The following IDUA variants were observed in gnomAD, a reference collection of about 807,000 sequenced individuals.
IDUA encodes the protein alpha-L-iduronidase, also known as iduronidase alpha-L-.
A neutral mutation model predicts 68.9 loss-of-function variants in IDUA; 65 were observed. The observed-to-expected ratio is 0.94, with a 90% CI of 0.77 to 1.16. The LOEUF (loss-of-function observed/expected upper bound fraction) is 1.16, where lower values mean the gene tolerates loss of function less well. IDUA is among the 50% of genes most tolerant of loss of function. IDUA has a pLI of 0.00. For synonymous variants in IDUA, 529 were observed against 433.6 expected (o/e 1.22, Z -2.73); for missense variants, 1,046 against 938.0 (o/e 1.12, Z -1.50).
At chr4:988,298 C>T (rs1250910835) in intron 2 of IDUA, 20 of 1,129,232 alleles carry the variant, frequency 1.8e-5, no homozygotes, top group Non-Finnish European at 2.1e-5. Flanking sequence ...GGTCACAGCA[C>T]CCTGGGCCCT....
rs572565537 is a variant in IDUA at position 1,003,181 on chromosome 4, GGGGCCGGGCC to G, written c.1524+33_1524+42del. 1,210 of 1,328,972 alleles carry G rather than the reference GGGGCCGGGCC, an allele frequency of 9.1e-4. 10 individuals are homozygous for G. The African/African-American group carries it at 0.016, about 18-fold the overall frequency. The allele number at this position is 1,328,972 out of a possible 1,614,324, so 82.3% of individuals were successfully genotyped here. The stretch of plus-strand genomic sequence containing the variant: ...AGGTAGGTGGGCCGCGGAGGGGCGA[GGGGCCGGGCC>G]GGGCCGGGGTCCCGGGGGGGTGGGG... On this transcript the variant is annotated intron_variant, in intron 10 of 13. Coordinates refer to ENST00000514224, the MANE Select transcript of IDUA (RefSeq NM_000203.5).
intron 8 of IDUA, 55 bp from the exon 9 acceptor site, chr4:1,002,677 C>A: frequency 7.7e-7 from 1 of 1,300,028 alleles, no homozygotes; most frequent in Non-Finnish European, 1.0e-6. Context: ...GGCCCTGGGT[C>A]GGGGGGCGGC....
In IDUA at chr4:1,003,465, G is replaced by A. The variant is rs766871749; in HGVS notation, c.1645G>A (p.Gly549Arg). The change falls in exon 11 of 14, where the codon GGG becomes AGG. Residue 549 changes from glycine (G) to arginine (R), a missense_variant. By Grantham distance (125) the Gly-to-Arg change is moderately radical. Transcript: ENST00000514224. ...GTGTGCGCGCCCCGAGAAGCCGCCC[G>A]GGCAGGCAAGTGGCAGTCCCCTAAC... is the stretch of plus-strand genomic sequence containing the variant. Reference protein sequence around the residue: ...HVCARPEKPPGQVTRLRALPL... With the variant: ...HVCARPEKPPRQVTRLRALPL... 1.9e-6 allele frequency: 3 copies of A among 1,565,104 alleles called. No homozygotes were observed. Among genetic ancestry groups the A allele is most frequent in the Admixed American group, 1.8e-5 (1 of 54,568 alleles).
intron 1 of IDUA, chr4:987,511 C>T: frequency 3.5e-6 from 3 of 866,712 alleles, no homozygotes; most frequent in Non-Finnish European, 5.1e-6. Flanking sequence ...AGTGGACGGC[C>T]CTGCAGCGGG....
intron 2 of IDUA, chr4:989,387 C>G (rs1439251370): frequency 1.9e-6 from 3 of 1,571,832 alleles, no homozygotes; most frequent in Admixed American, 3.7e-5. Context: ...AAGGCCGTGT[C>G]CCCGATGCGG....
chr4:987,511 C>G (rs1713828472), intron 1 of IDUA: 1 of 866,712 alleles, frequency 1.2e-6, no homozygotes, highest in African/African-American at 1.7e-5. Context: ...AGTGGACGGC[C>G]CTGCAGCGGG....
chr4:1,002,026 C>T lies in IDUA; in HGVS notation c.837C>T (p.Val279=), dbSNP rs758749484. 6.3e-7 allele frequency: 1 copy of T among 1,598,064 alleles called. No individual in the cohort carries two copies. Among genetic ancestry groups the T allele is most frequent in the Non-Finnish European group, 8.5e-7 (1 of 1,174,020 alleles). ...CCATCCTGGAGCAGGAGAAGGTCGTCGCGCAGCAGATCCGGCAGCTCTTCC... is the reference window on the plus strand; with the variant it reads ...CCATCCTGGAGCAGGAGAAGGTCGTTGCGCAGCAGATCCGGCAGCTCTTCC... The part of the protein sequence containing the change: ...SISILEQEKV[V]AQQIRQLFPK... The change falls in exon 7 of 14, where the codon GTC becomes GTT. Residue 279 remains valine (V), a synonymous_variant. Transcript: ENST00000514224.
At chr4:992,392 T>A (rs1271651050) in intron 2 of IDUA, among the ~76,000 whole-genome samples, 2 of 152,326 alleles carry the variant, frequency 1.3e-5, no homozygotes, top group East Asian at 3.9e-4. Context: ...GCCTCCTATG[T>A]CCCTGCCAAG....
chr4:1,004,493 AT>A lies in IDUA; in HGVS notation c.*105del. On this transcript the variant is annotated 3_prime_UTR_variant, in exon 14 of 14. Transcript: ENST00000514224. The surrounding 1 kb of genome is among the most constrained non-coding windows in gnomAD (Gnocchi z 5.0). Reference sequence around the variant, plus strand: ...CCTCCCATCACCCCCTTTGCAATATATTTTTATATTTTATTATTTTCTTTTA... The same window carrying A: ...CCTCCCATCACCCCCTTTGCAATATATTTTATATTTTATTATTTTCTTTTA... 1 of 1,157,302 alleles carries A rather than the reference AT, an allele frequency of 8.6e-7. No individual in the cohort carries two copies. The highest frequency in any genetic ancestry group is 2.6e-5 in the Admixed American group (1 of 39,184). 71.7% of individuals were successfully genotyped at this position (1,157,302 alleles called of 1,614,324 possible).
rs537047205 is a variant in IDUA at position 1,000,668 on chromosome 4, A to C, written c.356A>C (p.Asp119Ala). ...YNFTHLDGYL[D>A]LLRENQLLPG... Reference sequence around the variant, plus strand: ...TTCACCCACCTGGACGGGTACCTGGACCTTCTCAGGGAGAACCAGCTCCTC... The same window carrying C: ...TTCACCCACCTGGACGGGTACCTGGCCCTTCTCAGGGAGAACCAGCTCCTC... The change falls in exon 3 of 14, where the codon GAC becomes GCC. Residue 119 changes from aspartate to alanine, a missense_variant. Transcript: ENST00000514224. 3.1e-5 allele frequency: 50 copies of C among 1,612,334 alleles called. No homozygotes were observed. The highest frequency in any genetic ancestry group is 3.9e-5 in the Non-Finnish European group (46 of 1,179,752).
In IDUA at chr4:1,000,958, C is replaced by T; in HGVS notation, c.462C>T (p.Asp154=). ...EDKQQVFEWK[D]LVSSLARRYI... ...AGCAGCAGGTGTTTGAGTGGAAGGA[C>T]TTGGTCTCCAGCCTGGCCAGGAGAT... is the stretch of plus-strand genomic sequence containing the variant. The change falls in exon 4 of 14, where the codon GAC becomes GAT. Residue 154 remains aspartate (D), a synonymous_variant. Transcript: ENST00000514224. 6.2e-7 allele frequency: 1 copy of T among 1,613,306 alleles called. No homozygotes were observed. The highest frequency in any genetic ancestry group is 1.1e-5 in the South Asian group (1 of 91,092).
intron 2 of IDUA, among the ~76,000 whole-genome samples, chr4:995,125 G>A (rs1714666634): frequency 6.7e-6 from 1 of 150,274 alleles, no homozygotes; most frequent in African/African-American, 2.5e-5. Flanking sequence ...GCTCACTGCA[G>A]CCTCTGCCTC....
At chr4:1,003,860 C>A in intron 12 of IDUA, 152 bp from the exon 13 acceptor site, 1 of 839,830 alleles carries the variant, frequency 1.2e-6, no homozygotes. Context: ...CAGCCCTCTC[C>A]TGCCTGGGCA....
At chr4:996,181 C>G (rs1714733611) in intron 2 of IDUA, among the ~76,000 whole-genome samples, 1 of 152,248 alleles carries the variant, frequency 6.6e-6, no homozygotes, top group Non-Finnish European at 1.5e-5. Flanking sequence ...GCTGTTTGCT[C>G]AGCAGTTGGG....
At chr4:997,742 G>A (rs1234024253) in intron 2 of IDUA, among the ~76,000 whole-genome samples, 1 of 152,174 alleles carries the variant, frequency 6.6e-6, no homozygotes, top group African/African-American at 2.4e-5. Context: ...CTCCCAATGG[G>A]GGCCAGGCGG....
chr4:997,751 G>A (rs1262462148), intron 2 of IDUA, among the ~76,000 whole-genome samples: 1 of 152,266 alleles, frequency 6.6e-6, no homozygotes, highest in East Asian at 1.9e-4. Context: ...GGGGCCAGGC[G>A]GAGGGTGGGC....
In IDUA at chr4:1,004,247, C is replaced by A. The variant is rs756441262; in HGVS notation, c.1829-13C>A. 7.5e-6 allele frequency: 12 copies of A among 1,609,502 alleles called. No homozygotes were observed. The highest frequency in any genetic ancestry group is 1.7e-5 in the Admixed American group (1 of 59,996). On this transcript the variant is annotated splice_polypyrimidine_tract_variant and intron_variant, in intron 13 of 13. Coordinates refer to ENST00000514224, the MANE Select transcript of IDUA (RefSeq NM_000203.5). The surrounding 1 kb of genome is among the most constrained non-coding windows in gnomAD (Gnocchi z 5.0). ...GCAGGTTCCGGTTGGCACACATGTC[C>A]CCTTGTCTCCAGACACAGGTGCTGT...
chr4:991,113 A>C, intron 2 of IDUA: 1 of 1,524,114 alleles, frequency 6.6e-7, no homozygotes, highest in Non-Finnish European at 8.8e-7. Context: ...CCTGTGCCCA[A>C]GCAGGGCTCC....
intron 2 of IDUA, among the ~76,000 whole-genome samples, chr4:993,711 G>A (rs150970122): frequency 1.1e-3 from 160 of 152,284 alleles, no homozygotes; most frequent in Middle Eastern, 3.4e-3. Context: ...GTCTGGGGTC[G>A]AGTGCAGCAG....
Sources: gnomAD v4.1 joint callset for allele counts (sites outside exome capture counted in the v4.1 genomes callset) on GRCh38, gnomAD v4.1.1 for gene constraint, Gnocchi (gnomAD v3.1) non-coding constraint, MANE v1.5 for transcripts, NCBI Gene and HGNC (gene_info 2026-07-23, HGNC 2026-07-21) for gene names.